The following EYS variants were observed in gnomAD, a reference collection of about 807,000 sequenced individuals.
EYS encodes the protein EGF-like photoreceptor maintenance factor.
Under a neutral mutation model 282.1 loss-of-function variants are expected in EYS, and 250 were observed. The observed-to-expected ratio is 0.89, with a 90% confidence interval of 0.80 to 0.98. The LOEUF is 0.98. Among genes scored for constraint, EYS ranks in the 50% least tolerant of loss-of-function variants. The probability of loss-of-function intolerance (pLI) is 0.00; values close to 1 mark genes in which losing one functional copy is unlikely to be tolerated. For synonymous variants in EYS, 1,355 were observed against 1,282.9 expected (o/e 1.06, Z -1.20); for missense variants, 4,016 against 3,709.0 (o/e 1.08, Z -2.15).
rs115087750 is a variant in EYS at position 64,033,353 on chromosome 6, G to A, written c.6725+32985C>T. 4.8e-3 allele frequency among the ~76,000 whole-genome samples: 725 copies of A among 152,156 alleles called. 4 individuals carry two copies. The highest frequency in any genetic ancestry group is 0.016 in the African/African-American group (685 of 41,520). On this transcript the variant is annotated intron_variant, in intron 33 of 42. Coordinates refer to ENST00000503581, the MANE Select transcript of EYS (RefSeq NM_001142800.2). ...ACATAGCTATTAAATGTGGTTTTCT[G>A]GTAAATTCTGAAAAGACTTTTTCAA...
chr6:65,400,665 T>C (rs1766459264), intron 7 of EYS, among the ~76,000 whole-genome samples: 1 of 151,992 alleles, frequency 6.6e-6, no homozygotes, highest in South Asian at 2.1e-4. Context: ...AACCAATGTT[T>C]CACTGTCTTT....
At chr6:64,602,338 C>T (rs529483161) in intron 24 of EYS, among the ~76,000 whole-genome samples, 3 of 152,098 alleles carry the variant, frequency 2.0e-5, no homozygotes, top group South Asian at 2.1e-4. Context: ...ACCCATAACT[C>T]GTTTAATTAA....
chr6:64,703,124 A>G (rs1770846064), intron 22 of EYS, among the ~76,000 whole-genome samples: 1 of 151,946 alleles, frequency 6.6e-6, no homozygotes, highest in Non-Finnish European at 1.5e-5. Context: ...GGCAGAAGAA[A>G]AAAGACAAGG....
chr6:64,414,482 T>A (rs1318622827), intron 28 of EYS, among the ~76,000 whole-genome samples: 2 of 151,862 alleles, frequency 1.3e-5, no homozygotes, highest in Non-Finnish European at 2.9e-5. Flanking sequence ...TGAAACAAAA[T>A]AAGTAAGAGA....
At chr6:65,225,210 T>C (rs143116117) in intron 12 of EYS, among the ~76,000 whole-genome samples, 259 of 150,912 alleles carry the variant, frequency 1.7e-3, no homozygotes, top group African/African-American at 6.0e-3. Context: ...AATTGAAATA[T>C]AATAATCAAC....
chr6:63,771,907 T>C (rs1467758548), intron 40 of EYS, among the ~76,000 whole-genome samples: 2 of 152,220 alleles, frequency 1.3e-5, no homozygotes, highest in Non-Finnish European at 2.9e-5. Flanking sequence ...TCTCTTTAAG[T>C]AGGCTCCTGT....
intron 12 of EYS, among the ~76,000 whole-genome samples, chr6:65,187,258 C>G (rs191283964): frequency 1.3e-4 from 19 of 151,746 alleles, no homozygotes; most frequent in Admixed American, 3.3e-4. Context: ...TTAAGACCTT[C>G]AAACAAGAGA....
At chr6:64,446,896 A>T (rs1775134384) in intron 26 of EYS, among the ~76,000 whole-genome samples, 1 of 151,848 alleles carries the variant, frequency 6.6e-6, no homozygotes. Flanking sequence ...AATATTTTGC[A>T]ACCAAAATGT....
chr6:64,533,386 A>C (rs1764415282), intron 26 of EYS, among the ~76,000 whole-genome samples: 1 of 152,178 alleles, frequency 6.6e-6, no homozygotes, highest in African/African-American at 2.4e-5. Flanking sequence ...ATAAAGTCAA[A>C]GAATCAATTA....
intron 30 of EYS, among the ~76,000 whole-genome samples, chr6:64,291,607 A>G (rs779010765): frequency 2.0e-5 from 3 of 152,104 alleles, no homozygotes; most frequent in Non-Finnish European, 4.4e-5. Flanking sequence ...ACTATATTTC[A>G]GTTAAAAACT....
At chr6:64,143,300 A>G (rs1487699639) in intron 31 of EYS, among the ~76,000 whole-genome samples, 1 of 149,628 alleles carries the variant, frequency 6.7e-6, no homozygotes, top group Non-Finnish European at 1.5e-5. Context: ...AAGAGTAAGC[A>G]CTAACATGGA....
chr6:65,201,354 A>C (rs903164481), intron 12 of EYS, among the ~76,000 whole-genome samples: 18 of 152,162 alleles, frequency 1.2e-4, no homozygotes, highest in African/African-American at 4.1e-4. Context: ...TTTATTACTA[A>C]AAGGACACAT....
At chr6:64,025,884 C>G (rs1220231697) in intron 33 of EYS, among the ~76,000 whole-genome samples, 1 of 152,164 alleles carries the variant, frequency 6.6e-6, no homozygotes, top group African/African-American at 2.4e-5. Context: ...CCAGTACTAA[C>G]AGGAGAATGC....
intron 12 of EYS, among the ~76,000 whole-genome samples, chr6:65,116,999 ACTTTT>A (rs1386489172): frequency 6.6e-6 from 1 of 152,076 alleles, no homozygotes; most frequent in Non-Finnish European, 1.5e-5. Context: ...GAACAGTGGC[ACTTTT>A]CTTTTGTCTT....
At chr6:63,877,978 G>T (rs549129174) in intron 35 of EYS, among the ~76,000 whole-genome samples, 2 of 152,168 alleles carry the variant, frequency 1.3e-5, no homozygotes, top group Non-Finnish European at 2.9e-5. Flanking sequence ...CTCTCAACTC[G>T]TCAAAATAAT....
At chr6:64,851,331 A>C (rs1336116414) in intron 19 of EYS, among the ~76,000 whole-genome samples, 1 of 152,062 alleles carries the variant, frequency 6.6e-6, no homozygotes, top group Non-Finnish European at 1.5e-5. Flanking sequence ...TTTTTAAAAA[A>C]ATAAGGACAT....
chr6:64,784,696 A>G (rs1228385791), intron 22 of EYS, among the ~76,000 whole-genome samples: 1 of 152,142 alleles, frequency 6.6e-6, no homozygotes, highest in Non-Finnish European at 1.5e-5. Flanking sequence ...GGATTTCTAT[A>G]ACAAATGACT....
intron 2 of EYS, among the ~76,000 whole-genome samples, chr6:65,597,738 AT>A (rs201953803): frequency 0.018 from 2,770 of 152,128 alleles, 85 homozygotes; most frequent in African/African-American, 0.063. Context: ...CCAAGACCTT[AT>A]TTAGGTTCCT....
intron 2 of EYS, among the ~76,000 whole-genome samples, chr6:65,566,717 T>A (rs1337396421): frequency 1.3e-5 from 2 of 152,170 alleles, no homozygotes; most frequent in Non-Finnish European, 2.9e-5. Context: ...TAACTTAACA[T>A]GTTAGAGCCT....
Sources: gnomAD v4.1 joint callset for allele counts (sites outside exome capture counted in the v4.1 genomes callset) on GRCh38, gnomAD v4.1.1 for gene constraint, MANE v1.5 for transcripts, NCBI Gene and HGNC (gene_info 2026-07-23, HGNC 2026-07-21) for gene names.